Variants in ADGRL1 observed in about 807,000 individuals in gnomAD.
ADGRL1 encodes the protein CIRL-1.
A neutral mutation model predicts 148.9 loss-of-function variants in ADGRL1; 31 were observed. That is an observed-to-expected ratio of 0.21 (90% confidence interval 0.16 to 0.28). The LOEUF (loss-of-function observed/expected upper bound fraction) is 0.28. Ranked by LOEUF, ADGRL1 falls within the 10% of genes least tolerant of loss-of-function variation. ADGRL1 has a pLI of 1.00. For synonymous variants in ADGRL1, 937 were observed against 900.3 expected (o/e 1.04, Z -0.73); for missense variants, 1,521 against 2,058.8 (o/e 0.74, Z 5.05).
At chr19:14,189,849 A>AC (rs1312084895) in intron 1 of ADGRL1, among the ~76,000 whole-genome samples, 1 of 152,236 alleles carries the variant, frequency 6.6e-6, no homozygotes, top group Non-Finnish European at 1.5e-5. Flanking sequence ...CCAACACCTC[A>AC]CCTAGACACC....
chr19:14,186,653 AC>A (rs1478220350), intron 1 of ADGRL1, among the ~76,000 whole-genome samples: 2 of 152,074 alleles, frequency 1.3e-5, no homozygotes, highest in Non-Finnish European at 2.9e-5. Flanking sequence ...GAGCTAAGGG[AC>A]CACATGATGA....
intron 1 of ADGRL1, among the ~76,000 whole-genome samples, chr19:14,192,930 T>G (rs1599509600): frequency 1.3e-5 from 2 of 152,090 alleles, no homozygotes. Flanking sequence ...TGTCTCCTGG[T>G]TCCCTGAACA....
At position 14,161,791 on chromosome 19, in the gene ADGRL1, T is replaced by C. The variant is rs1035499241; in HGVS notation, c.1196-165A>G. The stretch of plus-strand genomic sequence containing the variant: ...GAGTTGATCTCCCCTGGCCGCTCTG[T>C]GCCCACCAAAGTCCCTTATGCCCAT... On this transcript the variant is annotated intron_variant, in intron 5 of 22. Transcript: ENST00000361434. This position sits in a 1 kb window ranked among gnomAD's most constrained non-coding sequence, Gnocchi z 4.4. Among the ~76,000 whole-genome samples the C allele has an allele frequency of 2.0e-5, 3 of 152,130 alleles. No homozygotes were observed. The highest frequency in any genetic ancestry group is 4.4e-5 in the Non-Finnish European group (3 of 68,010).
At position 14,152,695 on chromosome 19, in the gene ADGRL1, A is replaced by G; in HGVS notation, c.3424-82T>C. 6.3e-7 allele frequency: 1 copy of G among 1,597,158 alleles called. No individual in the cohort carries two copies. Among genetic ancestry groups the G allele is most frequent in the Non-Finnish European group, 8.6e-7 (1 of 1,166,512 alleles). ...TTCTGAGACTGCTCACCTGATCATC[A>G]CGATCAGAAACCTAGGCCAAGCCAC... On this transcript the variant is annotated intron_variant, in intron 19 of 22. Transcript: ENST00000361434. This position sits in a 1 kb window ranked among gnomAD's most constrained non-coding sequence, Gnocchi z 6.1.
chr19:14,158,950 T>A (rs2144696316), intron 11 of ADGRL1, 140 bp downstream of exon 11: 1 of 1,083,266 alleles, frequency 9.2e-7, no homozygotes, highest in East Asian at 2.5e-5. Context: ...TCAGGGCCCA[T>A]GAATCCCCTC....
At chr19:14,199,212 C>T (rs919401580) in intron 1 of ADGRL1, among the ~76,000 whole-genome samples, 1 of 152,182 alleles carries the variant, frequency 6.6e-6, no homozygotes, top group Admixed American at 6.5e-5. Flanking sequence ...TGTCTCTCCA[C>T]GGGGGAGCTG....
intron 4 of ADGRL1, chr19:14,166,891 A>G: frequency 1.0e-6 from 1 of 1,001,510 alleles, no homozygotes; most frequent in African/African-American, 1.6e-5. Flanking sequence ...AGGGTGGGGG[A>G]TACCGACCGG....
rs1276309715 is a variant in ADGRL1 at position 14,158,572 on chromosome 19, T to A, written c.2150-20A>T. On this transcript the variant is annotated intron_variant, in intron 11 of 22. Transcript: ENST00000361434. ...CCACCCCTGGTGAGAACAGGCACGT[T>A]TGGATGTGTCAGCATCCTCAGCTGG... 6.3e-7 allele frequency: 1 copy of A among 1,598,246 alleles called. No individual in the cohort carries two copies. Among genetic ancestry groups the A allele is most frequent in the Non-Finnish European group, 8.6e-7 (1 of 1,166,492 alleles).
intron 4 of ADGRL1, among the ~76,000 whole-genome samples, chr19:14,166,578 G>A (rs1303881667): frequency 6.7e-6 from 1 of 148,642 alleles, no homozygotes; most frequent in Non-Finnish European, 1.5e-5. Flanking sequence ...GAGAGAGAGA[G>A]AGAAAGAGAG....
In ADGRL1 at chr19:14,157,730, A is replaced by G. The variant is rs1208418920; in HGVS notation, c.2535+152T>C. 3 of 920,036 alleles carry G rather than the reference A, an allele frequency of 3.3e-6. No homozygotes were observed. The highest frequency in any genetic ancestry group is 3.2e-6 in the Non-Finnish European group (2 of 623,076). The allele number at this position is 920,036 out of a possible 1,614,324, so 57.0% of individuals were successfully genotyped here. A position where few individuals can be genotyped will look rare whatever the true frequency, so the allele number is the denominator to read the frequency against. ...TGGGATCATGGCCATAGAGGACCAG[A>G]CGCATGGCCTCATGCCCCAGGCAAG... On this transcript the variant is annotated intron_variant, in intron 13 of 22. Coordinates refer to ENST00000361434, the MANE Select transcript of ADGRL1 (RefSeq NM_014921.5). This position sits in a 1 kb window ranked among gnomAD's most constrained non-coding sequence, Gnocchi z 7.5.
chr19:14,172,908 C>G (rs536697679), intron 3 of ADGRL1, among the ~76,000 whole-genome samples: 1 of 152,274 alleles, frequency 6.6e-6, no homozygotes, highest in South Asian at 2.1e-4. Context: ...CAATATTTTA[C>G]TACTAAAAAT....
intron 3 of ADGRL1, among the ~76,000 whole-genome samples, chr19:14,172,475 C>T (rs1311704783): frequency 6.6e-6 from 1 of 152,056 alleles, no homozygotes; most frequent in Non-Finnish European, 1.5e-5. Flanking sequence ...TGCAGTGGCT[C>T]ACACCTGTAA....
intron 1 of ADGRL1, among the ~76,000 whole-genome samples, chr19:14,200,240 G>A (rs567499165): frequency 4.6e-5 from 7 of 152,234 alleles, no homozygotes; most frequent in South Asian, 2.1e-4. Flanking sequence ...CAGCTGCATC[G>A]AGGAAGCGGG....
chr19:14,157,811 C>G lies in ADGRL1; in HGVS notation c.2535+71G>C. ...CCTCCCCTGGTACTGCCCGTGATCT[C>G]TCTAGGATGCCATGCAAAGCCAGGC... On this transcript the variant is annotated intron_variant, in intron 13 of 22. Transcript: ENST00000361434. The surrounding 1 kb of genome is among the most constrained non-coding windows in gnomAD (Gnocchi z 7.5). The G allele has an allele frequency of 6.4e-7, 1 of 1,564,122 alleles. No homozygotes were observed. Among genetic ancestry groups the G allele is most frequent in the Non-Finnish European group, 8.7e-7 (1 of 1,152,942 alleles).
At chr19:14,167,836 G>C (rs1025213401) in intron 4 of ADGRL1, among the ~76,000 whole-genome samples, 2 of 152,134 alleles carry the variant, frequency 1.3e-5, no homozygotes, top group Non-Finnish European at 2.9e-5. Context: ...AGGCTCCCCA[G>C]GGGCAAGTCT....
intron 4 of ADGRL1, among the ~76,000 whole-genome samples, chr19:14,164,856 G>A (rs1969800475): frequency 6.6e-6 from 1 of 152,128 alleles, no homozygotes; most frequent in Non-Finnish European, 1.5e-5. Context: ...CTCCCAGAGT[G>A]CGCCCCTCCA....
At chr19:14,175,941 C>T (rs960583515) in intron 3 of ADGRL1, among the ~76,000 whole-genome samples, 1 of 152,166 alleles carries the variant, frequency 6.6e-6, no homozygotes. Flanking sequence ...GTAATCCCAG[C>T]TACTCGGGAG....
intron 1 of ADGRL1, among the ~76,000 whole-genome samples, chr19:14,192,389 C>T (rs1364728681): frequency 2.6e-5 from 4 of 151,196 alleles, no homozygotes; most frequent in African/African-American, 7.3e-5. Flanking sequence ...TACAGTCACA[C>T]GCCACCACGC....
intron 3 of ADGRL1, among the ~76,000 whole-genome samples, chr19:14,177,287 C>T (rs1044502354): frequency 1.3e-5 from 2 of 152,070 alleles, no homozygotes; most frequent in African/African-American, 2.4e-5. Context: ...AAGCAAGAGG[C>T]TGGTGGGGGG....
Sources: gnomAD v4.1 joint callset for allele counts (sites outside exome capture counted in the v4.1 genomes callset) on GRCh38, gnomAD v4.1.1 for gene constraint, Gnocchi (gnomAD v3.1) non-coding constraint, MANE v1.5 for transcripts, NCBI Gene and HGNC (gene_info 2026-07-23, HGNC 2026-07-21) for gene names.